The following TMEM273 variants were observed in gnomAD, a reference collection of about 807,000 sequenced individuals.
TMEM273 encodes the protein transmembrane protein 273.
TMEM273 carries 19 observed loss-of-function variants against 17.9 expected under a neutral mutation model. That is an observed-to-expected ratio of 1.06 (90% confidence interval 0.74 to 1.55). TMEM273 has a LOEUF of 1.55. Ranked by LOEUF, TMEM273 falls within the 40% of genes most tolerant of loss-of-function variation. The probability of loss-of-function intolerance (pLI) is 0.00; values close to 1 mark genes in which losing one functional copy is unlikely to be tolerated. For missense variants in TMEM273, 194 were observed against 155.6 expected (o/e 1.25, Z -1.31); for synonymous variants, 66 against 62.0 (o/e 1.07, Z -0.31).
intron 6 of TMEM273, chr10:49,160,669 C>G (rs1483623553): frequency 1.3e-5 from 2 of 152,090 alleles, no homozygotes; most frequent in Admixed American, 6.5e-5. Context: ...GGAGTGGTCA[C>G]TGTATTGTGA....
At position 49,162,242 on chromosome 10, in the gene TMEM273, C is replaced by T. The variant is rs150510901; in HGVS notation, c.349-620G>A. ...TGTGTTGTATTGCTCACAGCAGCAT[C>T]ATCCCACACAGATGTATGTGTGTCA... On this transcript the variant is annotated intron_variant, in intron 5 of 6. Coordinates refer to ENST00000374153, the MANE Select transcript of TMEM273 (RefSeq NM_001288740.3). Among the ~76,000 whole-genome samples the T allele has an allele frequency of 3.4e-3, 519 of 152,324 alleles. 4 individuals are homozygous for T. The highest frequency in any genetic ancestry group is 6.8e-3 in the Middle Eastern group (2 of 294).
intron 1 of TMEM273, among the ~76,000 whole-genome samples, chr10:49,173,557 G>A (rs1009627422): frequency 9.2e-5 from 14 of 152,232 alleles, no homozygotes; most frequent in South Asian, 2.1e-4. Flanking sequence ...CCTTGCTCTC[G>A]TCAGTCCAGG....
chr10:49,178,678 A>G (rs1847153658), intron 1 of TMEM273, among the ~76,000 whole-genome samples: 2 of 152,172 alleles, frequency 1.3e-5, no homozygotes, highest in African/African-American at 4.8e-5. Context: ...ATTAGCATTC[A>G]ATAAGACTCC....
chr10:49,171,092 G>A (rs1011538151), intron 1 of TMEM273, among the ~76,000 whole-genome samples: 5 of 152,228 alleles, frequency 3.3e-5, no homozygotes, highest in Non-Finnish European at 7.3e-5. Flanking sequence ...GGAATTCTCC[G>A]AGATCTCATG....
chr10:49,156,162 A>T (rs1403463026), intron 6 of TMEM273: 2 of 1,518,262 alleles, frequency 1.3e-6, no homozygotes. Flanking sequence ...ATCCACTTTG[A>T]TGACAAAAAG....
intron 1 of TMEM273, among the ~76,000 whole-genome samples, chr10:49,184,228 A>G (rs1440790204): frequency 1.3e-5 from 2 of 152,218 alleles, no homozygotes; most frequent in South Asian, 4.1e-4. Flanking sequence ...AAAAAATGCA[A>G]CCACTTTAAA....
intron 5 of TMEM273, among the ~76,000 whole-genome samples, chr10:49,164,108 C>G (rs565969360): frequency 6.6e-6 from 1 of 152,276 alleles, no homozygotes; most frequent in East Asian, 1.9e-4. Flanking sequence ...ATGCCAGCCA[C>G]TTACTAGACA....
rs1049762772 is a variant in TMEM273 at position 49,173,478 on chromosome 10, G to A, written c.44-5516C>T. On this transcript the variant is annotated intron_variant, in intron 1 of 6. Transcript: ENST00000374153. ...TGCACAGGCTGCTGCTCTCTTTGCC[G>A]CAATGCTTTTCCCTCGTCCCTGTGG... 4.6e-5 allele frequency among the ~76,000 whole-genome samples: 7 copies of A among 152,286 alleles called. No homozygotes were observed. The South Asian group carries it at 6.2e-4, about 14-fold the overall frequency.
chr10:49,167,689 C>G (rs1846283229), intron 2 of TMEM273, among the ~76,000 whole-genome samples: 1 of 152,220 alleles, frequency 6.6e-6, no homozygotes, highest in Admixed American at 6.5e-5. Context: ...ATCTGTGGCC[C>G]TGAGGTATCA....
intron 1 of TMEM273, among the ~76,000 whole-genome samples, chr10:49,181,431 AAGT>A (rs1461696122): frequency 6.6e-6 from 1 of 152,246 alleles, no homozygotes; most frequent in Non-Finnish European, 1.5e-5. Flanking sequence ...AGGAAGAATA[AAGT>A]AGAAGAAATC....
chr10:49,166,964 G>C lies in TMEM273; in HGVS notation c.143C>G (p.Ser48Cys), dbSNP rs915117242. The change falls in exon 3 of 7, where the codon TCT (serine) becomes TGT (cysteine). Residue 48 changes from serine (S) to cysteine (C), a missense_variant. Ser to Cys is a moderately radical substitution (Grantham distance 112). Coordinates refer to ENST00000374153, the MANE Select transcript of TMEM273 (RefSeq NM_001288740.3). Reference protein sequence around the residue: ...LIGTAVGVAISAGFLALKICM... With the variant: ...LIGTAVGVAICAGFLALKICM... The stretch of plus-strand genomic sequence containing the variant: ...GATCTTCAGGGCCAGGAAGCCAGCA[G>C]ATATGGCGACACCCACAGCAGTCCC... 1.2e-6 allele frequency: 2 copies of C among 1,614,056 alleles called. No individual in the cohort carries two copies. The highest frequency in any genetic ancestry group is 3.3e-5 in the Admixed American group (2 of 60,010).
chr10:49,170,402 G>A (rs548451414), intron 1 of TMEM273, among the ~76,000 whole-genome samples: 3 of 152,210 alleles, frequency 2.0e-5, no homozygotes, highest in South Asian at 2.1e-4. Context: ...GCCCCTCTCT[G>A]TGGCTGGGAC....
chr10:49,173,202 T>C (rs1405911389), intron 1 of TMEM273, among the ~76,000 whole-genome samples: 1 of 152,246 alleles, frequency 6.6e-6, no homozygotes, highest in Non-Finnish European at 1.5e-5. Context: ...CCCGAAGCAC[T>C]TCTCCCTGGA....
intron 6 of TMEM273, among the ~76,000 whole-genome samples, chr10:49,158,878 T>C (rs1248266813): frequency 6.6e-6 from 1 of 152,198 alleles, no homozygotes; most frequent in Non-Finnish European, 1.5e-5. Flanking sequence ...AATAAAACCA[T>C]CCAAGTGCTG....
At chr10:49,163,472 G>A (rs1845978503) in intron 5 of TMEM273, among the ~76,000 whole-genome samples, 3 of 152,080 alleles carry the variant, frequency 2.0e-5, no homozygotes, top group African/African-American at 4.8e-5. Flanking sequence ...TGTGGCCACC[G>A]GGGCCTGGAC....
At chr10:49,181,760 A>G (rs531773402) in intron 1 of TMEM273, among the ~76,000 whole-genome samples, 7 of 152,324 alleles carry the variant, frequency 4.6e-5, no homozygotes, top group African/African-American at 1.7e-4. Context: ...TTAGGGGGAA[A>G]TCTTGAGATC....
chr10:49,167,827 C>G (rs1167676139), intron 2 of TMEM273, 82 bp downstream of exon 2: 1 of 1,558,648 alleles, frequency 6.4e-7, no homozygotes, highest in East Asian at 2.2e-5. Context: ...AATTCCAGCA[C>G]TGCGGCCCTC....
At chr10:49,170,634 G>T (rs1846500356) in intron 1 of TMEM273, among the ~76,000 whole-genome samples, 1 of 152,174 alleles carries the variant, frequency 6.6e-6, no homozygotes, top group Non-Finnish European at 1.5e-5. Flanking sequence ...AACGTGGGCA[G>T]ATAACCCAGC....
chr10:49,171,761 G>T (rs1846586414), intron 1 of TMEM273, among the ~76,000 whole-genome samples: 1 of 152,232 alleles, frequency 6.6e-6, no homozygotes, highest in African/African-American at 2.4e-5. Context: ...TGGCAGGGCT[G>T]CTCTACACAA....
Sources: gnomAD v4.1 joint callset for allele counts (sites outside exome capture counted in the v4.1 genomes callset) on GRCh38, gnomAD v4.1.1 for gene constraint, MANE v1.5 for transcripts, NCBI Gene and HGNC (gene_info 2026-07-23, HGNC 2026-07-21) for gene names.